Variants in RIMS2 observed in about 807,000 individuals in gnomAD.
The protein encoded by RIMS2 is regulating synaptic membrane exocytosis protein 2.
A neutral mutation model predicts 174.4 loss-of-function variants in RIMS2; 59 were observed. The ratio of observed to expected loss-of-function variants is 0.34; its 90% CI spans 0.27 to 0.42. RIMS2 has a LOEUF of 0.42. Ranked by LOEUF, RIMS2 falls within the 10% of genes least tolerant of loss-of-function variation. RIMS2 has a pLI of 1.00. For missense variants in RIMS2, 1,620 were observed against 1,666.3 expected, an observed-to-expected ratio of 0.97 and a Z score of 0.48; for synonymous variants, 606 against 572.5, an observed-to-expected ratio of 1.06 and a Z score of -0.84.
rs1161644843 is a variant in RIMS2 at position 103,628,793 on chromosome 8, G to A, written c.177-68293G>A. 1.3e-4 allele frequency among the ~76,000 whole-genome samples: 19 copies of A among 145,374 alleles called. No individual in the cohort carries two copies. In the Admixed American group the frequency reaches 1.3e-3, roughly 10 times the overall value. On this transcript the variant is annotated intron_variant, in intron 1 of 23. Coordinates refer to ENST00000504942, the Ensembl canonical transcript of RIMS2. ...AAAAAGGTCCCAAGGAAAGCCTGCT[G>A]TCTCTAGCTAAAGGACCAGAAAAAG... is the stretch of plus-strand genomic sequence containing the variant.
intron 19 of RIMS2, among the ~76,000 whole-genome samples, chr8:104,106,301 G>A (rs2098063522): frequency 6.7e-6 from 1 of 149,898 alleles, no homozygotes; most frequent in Admixed American, 6.6e-5. Context: ...TAGTTAGTTA[G>A]TAACTTCTAT....
At chr8:103,704,173 G>A (rs1427552861) in intron 2 of RIMS2, among the ~76,000 whole-genome samples, 2 of 148,188 alleles carry the variant, frequency 1.3e-5, no homozygotes, top group Non-Finnish European at 3.0e-5. Flanking sequence ...TATCTAGTAT[G>A]TTCAGATTTA....
intron 1 of RIMS2, among the ~76,000 whole-genome samples, chr8:103,683,395 C>T (rs2096902824): frequency 6.6e-6 from 1 of 152,066 alleles, no homozygotes; most frequent in Non-Finnish European, 1.5e-5. Context: ...CCATTTTAGT[C>T]CAAGAATTCA....
At chr8:103,974,835 A>T (rs2093273612) in intron 15 of RIMS2, among the ~76,000 whole-genome samples, 1 of 151,778 alleles carries the variant, frequency 6.6e-6, no homozygotes, top group South Asian at 2.1e-4. Context: ...ACATAGTGAG[A>T]CCCCCATCTC....
intron 17 of RIMS2, among the ~76,000 whole-genome samples, chr8:103,996,166 A>G (rs2095080960): frequency 6.6e-6 from 1 of 152,044 alleles, no homozygotes; most frequent in African/African-American, 2.4e-5. Context: ...CTGCTATGAC[A>G]GGTAAAAATG....
Position 104,140,280 on chromosome 8 carries a change from A to C in RIMS2, c.3335-104636A>C, listed in dbSNP as rs1049792029. Among the ~76,000 whole-genome samples the C allele has an allele frequency of 2.6e-5, 4 of 152,082 alleles. No homozygotes were observed. The East Asian group carries it at 7.7e-4, about 29-fold the overall frequency. ...CTACATGTCATAATTTTTACCCACC[A>C]TTCAAGACCCAAGTTTATAAAGCTT... On this transcript the variant is annotated intron_variant, in intron 19 of 23. Coordinates refer to ENST00000504942, the Ensembl canonical transcript of RIMS2.
chr8:103,876,428 G>A (rs1162555568), intron 3 of RIMS2, among the ~76,000 whole-genome samples: 1 of 151,554 alleles, frequency 6.6e-6, no homozygotes. Flanking sequence ...TTATGAAGAA[G>A]TAGGGTCGTC....
At chr8:103,891,375 A>G (rs2099244250) in intron 4 of RIMS2, among the ~76,000 whole-genome samples, 1 of 152,068 alleles carries the variant, frequency 6.6e-6, no homozygotes, top group Admixed American at 6.6e-5. Flanking sequence ...ACCAAGAGAA[A>G]GGTCTAGAAA....
At chr8:103,780,985 T>C (rs1020336820) in intron 3 of RIMS2, among the ~76,000 whole-genome samples, 6 of 152,154 alleles carry the variant, frequency 3.9e-5, no homozygotes, top group African/African-American at 1.4e-4. Context: ...TGCCTGGCTG[T>C]AGTAAATGAT....
At chr8:104,058,549 C>G (rs2096917052) in intron 19 of RIMS2, among the ~76,000 whole-genome samples, 1 of 149,804 alleles carries the variant, frequency 6.7e-6, no homozygotes, top group Non-Finnish European at 1.5e-5. Flanking sequence ...GTTTCTTTTG[C>G]TGTGCAGAAG....
intron 14 of RIMS2, among the ~76,000 whole-genome samples, chr8:103,957,644 A>C (rs1465178125): frequency 6.6e-6 from 1 of 152,148 alleles, no homozygotes; most frequent in Non-Finnish European, 1.5e-5. Flanking sequence ...CATTAGGAGA[A>C]ATACCTTATG....
At chr8:103,660,624 T>C (rs2096588148) in intron 1 of RIMS2, among the ~76,000 whole-genome samples, 1 of 151,108 alleles carries the variant, frequency 6.6e-6, no homozygotes, top group South Asian at 2.1e-4. Context: ...AAAAAACAAA[T>C]CTGATACGGA....
At chr8:104,212,939 C>T (rs74354812) in intron 19 of RIMS2, among the ~76,000 whole-genome samples, 1 of 152,170 alleles carries the variant, frequency 6.6e-6, no homozygotes, top group Non-Finnish European at 1.5e-5. Context: ...GCTGTCCCCT[C>T]TACCTGTAAG....
chr8:104,159,862 G>A (rs1033551757), intron 19 of RIMS2, among the ~76,000 whole-genome samples: 8 of 152,084 alleles, frequency 5.3e-5, no homozygotes, highest in African/African-American at 1.9e-4. Context: ...CATCTGACTG[G>A]GCACGGTGGC....
intron 19 of RIMS2, among the ~76,000 whole-genome samples, chr8:104,042,962 A>G (rs1409047252): frequency 1.3e-5 from 2 of 151,688 alleles, no homozygotes; most frequent in African/African-American, 4.8e-5. Context: ...ATGAAAGAAC[A>G]AAAGCCAGAA....
At chr8:103,962,969 T>C (rs1486738636) in intron 15 of RIMS2, among the ~76,000 whole-genome samples, 3 of 152,148 alleles carry the variant, frequency 2.0e-5, no homozygotes, top group Admixed American at 6.6e-5. Flanking sequence ...TATATGTAGT[T>C]TTTTTTCATA....
intron 3 of RIMS2, among the ~76,000 whole-genome samples, chr8:103,848,866 T>G (rs956122106): frequency 1.3e-5 from 2 of 152,060 alleles, no homozygotes; most frequent in Non-Finnish European, 2.9e-5. Context: ...GTGACTAGTC[T>G]TCAGCTCTAT....
chr8:104,039,180 A>T (rs1281761162), intron 19 of RIMS2, among the ~76,000 whole-genome samples: 1 of 151,820 alleles, frequency 6.6e-6, no homozygotes, highest in African/African-American at 2.4e-5. Context: ...ACTATATAAT[A>T]AAATATCCAG....
At chr8:104,225,220 A>T (rs1193094878) in intron 19 of RIMS2, among the ~76,000 whole-genome samples, 1 of 152,216 alleles carries the variant, frequency 6.6e-6, no homozygotes, top group Non-Finnish European at 1.5e-5. Flanking sequence ...CATTTCACAA[A>T]TGAGAAGACT....
Sources: allele counts gnomAD v4.1 joint callset (sites outside exome capture counted in the v4.1 genomes callset), GRCh38; gene constraint gnomAD v4.1.1; transcripts MANE v1.5; gene names NCBI Gene and HGNC (gene_info 2026-07-23, HGNC 2026-07-21).